RNLS: variants seen among roughly 807,000 people sequenced by gnomAD.
RNLS encodes the protein renalase.
Under a neutral mutation model 39.8 loss-of-function variants are expected in RNLS, and 39 were observed. That is an observed-to-expected ratio of 0.98 (90% CI 0.76 to 1.28). RNLS has a LOEUF of 1.28. RNLS is among the 50% of genes most tolerant of loss of function. RNLS has a pLI of 0.00. For synonymous variants in RNLS, 147 were observed against 150.7 expected, an observed-to-expected ratio of 0.98 and a Z score of 0.18; for missense variants, 410 against 413.3, an observed-to-expected ratio of 0.99 and a Z score of 0.07.
At chr10:88,508,367 C>T (rs918837992) in intron 4 of RNLS, among the ~76,000 whole-genome samples, 1 of 152,078 alleles carries the variant, frequency 6.6e-6, no homozygotes, top group East Asian at 1.9e-4. Flanking sequence ...AAGACGGGGA[C>T]ATTAATAGTT....
At chr10:88,243,047 T>TTAA in the RNLS span, among the ~76,000 whole-genome samples, 1 of 152,180 alleles carries the variant, frequency 6.6e-6, no homozygotes, top group Non-Finnish European at 1.5e-5. Context: ...GGAACATTGA[T>TTAA]CAGTTTAAGT....
At chr10:88,210,678 G>A in the RNLS span, among the ~76,000 whole-genome samples, 1 of 152,120 alleles carries the variant, frequency 6.6e-6, no homozygotes, top group East Asian at 1.9e-4. Context: ...TGTGGGTTAG[G>A]TAGATTGGGG....
At chr10:88,579,361 G>C (rs1469105122) in intron 3 of RNLS, among the ~76,000 whole-genome samples, 2 of 152,160 alleles carry the variant, frequency 1.3e-5, no homozygotes, top group East Asian at 3.8e-4. Context: ...AAGGAAGGCA[G>C]GGGAAAGCTA....
chr10:88,455,261 A>C (rs1842565019), intron 4 of RNLS, among the ~76,000 whole-genome samples: 2 of 105,080 alleles, frequency 1.9e-5, no homozygotes, highest in African/African-American at 5.1e-5. Context: ...ATCAAAGTAA[A>C]GGGAAAAAAA....
chr10:88,294,313 T>C (rs1736868664), intron 6 of RNLS, among the ~76,000 whole-genome samples: 3 of 152,186 alleles, frequency 2.0e-5, no homozygotes, highest in South Asian at 4.1e-4. Context: ...TATTTGCATA[T>C]AGGAAACTAG....
intron 4 of RNLS, among the ~76,000 whole-genome samples, chr10:88,367,847 T>G (rs1644809738): frequency 6.6e-6 from 1 of 152,164 alleles, no homozygotes. Flanking sequence ...ATTTTTCTTT[T>G]GGGCTGTCTT....
At chr10:88,464,549 C>T (rs535409937) in intron 4 of RNLS, among the ~76,000 whole-genome samples, 2 of 152,162 alleles carry the variant, frequency 1.3e-5, no homozygotes, top group Non-Finnish European at 2.9e-5. Context: ...ACATTTATAT[C>T]TCAATCAGTA....
intron 4 of RNLS, among the ~76,000 whole-genome samples, chr10:88,400,603 T>C (rs1010597444): frequency 1.4e-4 from 21 of 152,030 alleles, no homozygotes; most frequent in Non-Finnish European, 5.9e-5. Context: ...CTGGTTAATC[T>C]ACTAGACCAT....
chr10:88,306,964 TTA>T (rs1844965726), intron 6 of RNLS, among the ~76,000 whole-genome samples: 1 of 152,138 alleles, frequency 6.6e-6, no homozygotes, highest in Non-Finnish European at 1.5e-5. Context: ...CATCAAAATC[TTA>T]TCCACCATGA....
chr10:88,330,123 T>C lies in RNLS; in HGVS notation c.701-15482A>G, dbSNP rs868674112. ...AATATATATACACACACTATATATA[T>C]ACACACACACACAATTTTATATTAT... On this transcript the variant is annotated intron_variant, in intron 5 of 6. Coordinates refer to ENST00000331772, the MANE Select transcript of RNLS (RefSeq NM_001031709.3). Among the ~76,000 whole-genome samples, 11 of 147,406 alleles carry C rather than the reference T, an allele frequency of 7.5e-5. No homozygotes were observed. In the South Asian group the frequency reaches 1.7e-3, roughly 23 times the overall value.
Position 88,380,946 on chromosome 10 carries a change from TTAAA to T in RNLS, c.527-18225_527-18222del, listed in dbSNP as rs1020503303. Among the ~76,000 whole-genome samples the T allele has an allele frequency of 7.2e-5, 11 of 152,328 alleles. No individual in the cohort carries two copies. The East Asian group carries it at 1.5e-3, about 21-fold the overall frequency. ...AATGCCTCCTTTATGAACTAAATTC[TTAAA>T]TAAATATATGTCTATTTCTAGACTG... On this transcript the variant is annotated intron_variant, in intron 4 of 6. Coordinates refer to ENST00000331772, the MANE Select transcript of RNLS (RefSeq NM_001031709.3).
chr10:88,183,449 T>A, the RNLS span, among the ~76,000 whole-genome samples: 1 of 152,252 alleles, frequency 6.6e-6, no homozygotes, highest in East Asian at 1.9e-4. Context: ...GTAACTTCAA[T>A]GCATTTAGCA....
chr10:88,523,224 T>C (rs1018567343), intron 4 of RNLS, among the ~76,000 whole-genome samples: 10 of 152,108 alleles, frequency 6.6e-5, no homozygotes, highest in African/African-American at 2.2e-4. Context: ...ACCTTCATCA[T>C]AAAAACGGTT....
the RNLS span, among the ~76,000 whole-genome samples, chr10:88,191,211 T>A: frequency 6.6e-6 from 1 of 152,190 alleles, no homozygotes; most frequent in Non-Finnish European, 1.5e-5. Flanking sequence ...TACCTTCCAT[T>A]GACTCAGCAG....
chr10:88,396,930 T>A (rs564584869), intron 4 of RNLS, among the ~76,000 whole-genome samples: 1 of 151,778 alleles, frequency 6.6e-6, no homozygotes, highest in Non-Finnish European at 1.5e-5. Context: ...TAAGAAAATA[T>A]AACAATAATA....
chr10:88,374,392 C>T (rs1039412076), intron 4 of RNLS, among the ~76,000 whole-genome samples: 1 of 152,102 alleles, frequency 6.6e-6, no homozygotes, highest in Non-Finnish European at 1.5e-5. Context: ...ATGCAATTAA[C>T]CAAAGCACCT....
At chr10:88,304,289 C>G (rs1291386096) in intron 6 of RNLS, among the ~76,000 whole-genome samples, 1 of 152,148 alleles carries the variant, frequency 6.6e-6, no homozygotes, top group Non-Finnish European at 1.5e-5. Context: ...AGCCAGAGTG[C>G]CTTCTTTCCT....
chr10:88,394,044 A>C (rs1341280301), intron 4 of RNLS, among the ~76,000 whole-genome samples: 2 of 152,234 alleles, frequency 1.3e-5, no homozygotes, highest in African/African-American at 4.8e-5. Context: ...AAATTAATTC[A>C]AATGGATTAA....
rs188672049 is a variant in RNLS, at chr10:88,511,434, A to G, written c.526+61469T>C. ...GGAAAGAACCAGAAGTTTATCTTGT[A>G]TAAGTTCAGTATGGTGCACTTACTT... is the stretch of plus-strand genomic sequence containing the variant. On this transcript the variant is annotated intron_variant, in intron 4 of 6. Transcript: ENST00000331772. Among the ~76,000 whole-genome samples the G allele has an allele frequency of 2.0e-5, 3 of 152,260 alleles. No individual in the cohort carries two copies. In the East Asian group the frequency reaches 5.8e-4, roughly 29 times the overall value.
Sources: allele counts gnomAD v4.1 joint callset (sites outside exome capture counted in the v4.1 genomes callset), GRCh38; gene constraint gnomAD v4.1.1; transcripts MANE v1.5; gene names NCBI Gene and HGNC (gene_info 2026-07-23, HGNC 2026-07-21).